The following CLIP1 variants were observed in gnomAD, a reference collection of about 807,000 sequenced individuals.
CLIP1 encodes CAP-Gly domain containing linker protein 1, also known as CAP-Gly domain-containing linker protein 1.
A neutral mutation model predicts 161.6 loss-of-function variants in CLIP1; 66 were observed. The observed-to-expected ratio is 0.41, with a 90% CI of 0.33 to 0.50. The LOEUF is 0.50. CLIP1 is among the 20% of genes least tolerant of loss of function. The probability of loss-of-function intolerance (pLI) is 0.27; values close to 1 mark genes in which losing one functional copy is unlikely to be tolerated. For missense variants in CLIP1, 1,376 were observed against 1,702.0 expected (o/e 0.81, Z 3.37); for synonymous variants, 598 against 626.2 (o/e 0.96, Z 0.67).
At chr12:122,342,940 C>G (rs528979911) in intron 10 of CLIP1, 42 of 150,464 alleles carry the variant, frequency 2.8e-4, no homozygotes, top group African/African-American at 9.0e-4. Context: ...ATTATTAAAA[C>G]TAATTTAACT....
At chr12:122,347,690 A>G (rs1952816962) in intron 9 of CLIP1, among the ~76,000 whole-genome samples, 1 of 152,148 alleles carries the variant, frequency 6.6e-6, no homozygotes, top group African/African-American at 2.4e-5. Flanking sequence ...GGCAGGGGGC[A>G]TGGGCTAGTC....
chr12:122,292,967 C>A (rs1950309111), intron 20 of CLIP1, among the ~76,000 whole-genome samples: 2 of 126,760 alleles, frequency 1.6e-5, no homozygotes, highest in South Asian at 4.6e-4. Context: ...AGCACCACTG[C>A]AGTCCAGCCT....
At chr12:122,314,344 G>A (rs559557007) in intron 19 of CLIP1, among the ~76,000 whole-genome samples, 66 of 151,178 alleles carry the variant, frequency 4.4e-4, no homozygotes, top group African/African-American at 1.4e-3. Context: ...GGCGACGCGC[G>A]CCTGTAATCT....
At position 122,278,862 on chromosome 12, in the gene CLIP1, C is replaced by A. The variant is rs1955536529; in HGVS notation, c.3846G>T (p.Lys1282Asn). Residue 1282 changes from lysine to asparagine, a missense_variant, in exon 23 of 26, where the codon AAG becomes AAT. Physicochemically the swap from Lys to Asn is moderately conservative, Grantham distance 94. Transcript: ENST00000620786. ...CCAAGTTCTTTACCTTGAGCTCGAG[C>A]TTCACCTTATCAGACTCTAGAGTCT... ...VVQTLESDKV[K>N]LELKVKNLEL... is the part of the protein sequence containing the mutation. The A allele has an allele frequency of 6.2e-7, 1 of 1,613,056 alleles. No individual in the cohort carries two copies. Among genetic ancestry groups the A allele is most frequent in the Non-Finnish European group, 8.5e-7 (1 of 1,179,698 alleles).
At chr12:122,319,194 G>A (rs1951386568) in intron 18 of CLIP1, 38 bp downstream of exon 18, 2 of 1,355,796 alleles carry the variant, frequency 1.5e-6, no homozygotes, top group African/African-American at 2.9e-5. Flanking sequence ...AAGTTGGTAA[G>A]CTGTTCTTTG....
chr12:122,381,569 A>C (rs1955014458), intron 1 of CLIP1, among the ~76,000 whole-genome samples: 1 of 152,224 alleles, frequency 6.6e-6, no homozygotes, highest in Non-Finnish European at 1.5e-5. Context: ...CAGACATAAT[A>C]CCTAAAAACA....
In CLIP1 at chr12:122,323,213, T is replaced by G; in HGVS notation, c.3250-3865A>C. The stretch of plus-strand genomic sequence containing the variant: ...CTGCTTTTTAAGTTCAGTCATTTTC[T>G]GAGAAGCCATCTCCTTCTCGGAAGT... On this transcript the variant is annotated intron_variant, in intron 17 of 25. Coordinates refer to ENST00000620786, the MANE Select transcript of CLIP1 (RefSeq NM_001247997.2). The surrounding 1 kb of genome is among the most constrained non-coding windows in gnomAD (Gnocchi z 4.1). The G allele has an allele frequency of 6.5e-6, 1 of 152,672 alleles. No homozygotes were observed. Among genetic ancestry groups the G allele is most frequent in the East Asian group, 1.9e-4 (1 of 5,200 alleles). The allele number at this position is 152,672 out of a possible 1,614,324, so 9.5% of individuals were successfully genotyped here. A position where few individuals can be genotyped will look rare whatever the true frequency, so the allele number is the denominator to read the frequency against.
intron 5 of CLIP1, 115 bp downstream of exon 5, chr12:122,360,844 G>C (rs1245260192): frequency 1.2e-6 from 1 of 825,654 alleles, no homozygotes; most frequent in African/African-American, 1.7e-5. Context: ...CAAAAGCTGT[G>C]AGCAACATTC....
At chr12:122,353,384 T>G (rs538469057) in intron 7 of CLIP1, among the ~76,000 whole-genome samples, 2 of 152,128 alleles carry the variant, frequency 1.3e-5, no homozygotes, top group African/African-American at 2.4e-5. Flanking sequence ...CCTAGCATTT[T>G]GTGAAGCTAA....
intron 15 of CLIP1, among the ~76,000 whole-genome samples, chr12:122,330,597 G>GTTTTTTTTTTTTTTTTTTTT (rs71082966): frequency 9.9e-5 from 10 of 101,402 alleles, no homozygotes; most frequent in African/African-American, 4.0e-4. Context: ...GTATAATGCA[G>GTTTTTTTTTTTTTTTTTTTT]TTTTTTTTTT....
In CLIP1 at chr12:122,271,832, T is replaced by TA. The variant is rs1955195619; in HGVS notation, c.*1042dup. 1 of 152,666 alleles carries TA rather than the reference T, an allele frequency of 6.6e-6. No homozygotes were observed. The highest frequency in any genetic ancestry group is 1.5e-5 in the Non-Finnish European group (1 of 68,042). 9.5% of individuals were successfully genotyped at this position (152,666 alleles called of 1,614,324 possible). ...TTGAATTTCTCATCGTACATTCATC[T>TA]AAAAACAGTAAAAAAACTTGTGAAG... On this transcript the variant is annotated 3_prime_UTR_variant, in exon 26 of 26. Coordinates refer to ENST00000620786, the MANE Select transcript of CLIP1 (RefSeq NM_001247997.2).
chr12:122,395,548 G>A (rs1026066431), intron 1 of CLIP1: 1 of 152,130 alleles, frequency 6.6e-6, no homozygotes, highest in African/African-American at 2.4e-5. Context: ...CCACTTTAAA[G>A]GAATCTGGAG....
At chr12:122,388,050 T>G (rs1332082782) in intron 1 of CLIP1, among the ~76,000 whole-genome samples, 1 of 152,182 alleles carries the variant, frequency 6.6e-6, no homozygotes, top group African/African-American at 2.4e-5. Flanking sequence ...TTCAAACTTG[T>G]GTTATTCAAG....
At chr12:122,356,375 A>T (rs1343314619) in intron 5 of CLIP1, among the ~76,000 whole-genome samples, 1 of 152,214 alleles carries the variant, frequency 6.6e-6, no homozygotes, top group Non-Finnish European at 1.5e-5. Context: ...ATTCAGTCTC[A>T]TTAGATTGTC....
intron 21 of CLIP1, among the ~76,000 whole-genome samples, chr12:122,284,144 T>C (rs1004904322): frequency 6.6e-6 from 1 of 152,098 alleles, no homozygotes; most frequent in Admixed American, 6.6e-5. Context: ...TAACTTTCCA[T>C]AAGGGTTAAT....
chr12:122,278,271 C>A, intron 23 of CLIP1, 68 bp from the exon 24 acceptor site: 1 of 1,409,254 alleles, frequency 7.1e-7, no homozygotes, highest in Non-Finnish European at 9.8e-7. Flanking sequence ...TAATCACAAT[C>A]TAAACTGCAG....
chr12:122,334,385 T>C (rs1436422417), intron 13 of CLIP1, among the ~76,000 whole-genome samples: 1 of 152,126 alleles, frequency 6.6e-6, no homozygotes, highest in African/African-American at 2.4e-5. Context: ...AATAAAGCTA[T>C]CAATGATGAA....
chr12:122,281,534 C>CA (rs962724730), intron 21 of CLIP1, among the ~76,000 whole-genome samples: 114 of 141,944 alleles, frequency 8.0e-4, no homozygotes, highest in Middle Eastern at 7.1e-3. Context: ...CAGAAACTTA[C>CA]AAAAAAAAAA....
intron 20 of CLIP1, among the ~76,000 whole-genome samples, chr12:122,298,166 A>C (rs1950546035): frequency 6.6e-6 from 1 of 151,982 alleles, no homozygotes; most frequent in Non-Finnish European, 1.5e-5. Flanking sequence ...CATCACACTA[A>C]ACTCTCTCTT....
Sources: allele counts gnomAD v4.1 joint callset (sites outside exome capture counted in the v4.1 genomes callset), GRCh38; gene constraint gnomAD v4.1.1; non-coding constraint Gnocchi (gnomAD v3.1); transcripts MANE v1.5; gene names NCBI Gene and HGNC (gene_info 2026-07-23, HGNC 2026-07-21).